SSUH2: variants seen among roughly 807,000 people sequenced by gnomAD.
The protein encoded by SSUH2 is ssu-2 homolog.
In SSUH2, 47 loss-of-function variants were observed where a neutral mutation model predicts 55.3. That is an observed-to-expected ratio of 0.85 (90% CI 0.67 to 1.08). The LOEUF (loss-of-function observed/expected upper bound fraction) is 1.08, where lower values mean the gene tolerates loss of function less well. SSUH2 is among the 50% of genes least tolerant of loss of function. The probability of loss-of-function intolerance (pLI) is 0.00; values close to 1 mark genes in which losing one functional copy is unlikely to be tolerated. For missense variants in SSUH2, 535 were observed against 490.7 expected (o/e 1.09, Z -0.85); for synonymous variants, 212 against 191.5 (o/e 1.11, Z -0.89).
In SSUH2 at chr3:8,641,616, G is replaced by A. The variant is rs921265259; in HGVS notation, c.28+3115C>T. ...CTACCGGAACCACTATCCCCCTCCC[G>A]AAGTGTGCAGCCTGTGGGAAAGACC... On this transcript the variant is annotated intron_variant, in intron 1 of 11. Coordinates refer to ENST00000544814, the MANE Select transcript of SSUH2 (RefSeq NM_001256748.3). Among the ~76,000 whole-genome samples the A allele has an allele frequency of 2.0e-5, 3 of 152,198 alleles. No individual in the cohort carries two copies. The South Asian group carries it at 6.2e-4, about 32-fold the overall frequency.
At chr3:8,640,408 C>A (rs898466915) in intron 1 of SSUH2, among the ~76,000 whole-genome samples, 14 of 152,182 alleles carry the variant, frequency 9.2e-5, no homozygotes, top group Admixed American at 9.2e-4. Context: ...CACCTAACCC[C>A]TGCAGTGACT....
At chr3:8,625,448 G>T in intron 10 of SSUH2, 94 bp downstream of exon 10, 1 of 746,544 alleles carries the variant, frequency 1.3e-6, no homozygotes. Flanking sequence ...TCCTTCCAAG[G>T]AATGCAGCCT....
Position 8,625,730 on chromosome 3 carries a change from T to A in SSUH2, c.768-83A>T. 4 of 938,710 alleles carry A rather than the reference T, an allele frequency of 4.3e-6. No homozygotes were observed. In the South Asian group the frequency reaches 5.7e-5, roughly 13 times the overall value. The allele number at this position is 938,710 out of a possible 1,614,324, so 58.1% of individuals were successfully genotyped here. A position where few individuals can be genotyped will look rare whatever the true frequency, so the allele number is the denominator to read the frequency against. On this transcript the variant is annotated intron_variant, in intron 9 of 11. Transcript: ENST00000544814. Reference sequence around the variant, plus strand: ...CCTTTGCAATCAGACAGACCTGGGGTTGAGGGCTTGAATTGCTACTGGAGG... The same window carrying A: ...CCTTTGCAATCAGACAGACCTGGGGATGAGGGCTTGAATTGCTACTGGAGG...
chr3:8,643,314 A>G (rs913153580), intron 1 of SSUH2, among the ~76,000 whole-genome samples: 1 of 152,214 alleles, frequency 6.6e-6, no homozygotes, highest in Non-Finnish European at 1.5e-5. Flanking sequence ...ACTAGGAGGC[A>G]GAGCATAGGT....
chr3:8,641,646 G>A (rs1700865044), intron 1 of SSUH2, among the ~76,000 whole-genome samples: 1 of 152,218 alleles, frequency 6.6e-6, no homozygotes, highest in Non-Finnish European at 1.5e-5. Flanking sequence ...AAGACCAGAT[G>A]GGCCCCTAGA....
intron 7 of SSUH2, among the ~76,000 whole-genome samples, chr3:8,651,182 C>T (rs1702358355): frequency 6.6e-6 from 1 of 152,204 alleles, no homozygotes; most frequent in African/African-American, 2.4e-5. Context: ...TTGCAAGGCA[C>T]CACCAGCCTT....
intron 3 of SSUH2, chr3:8,634,287 C>T: frequency 1.1e-6 from 1 of 926,158 alleles, no homozygotes; most frequent in South Asian, 1.6e-5. Flanking sequence ...GGAGACTCAC[C>T]CTGAGGACCG....
intron 4 of SSUH2, 74 bp from the exon 5 acceptor site, chr3:8,632,183 T>C: frequency 4.6e-6 from 6 of 1,312,226 alleles, no homozygotes; most frequent in Non-Finnish European, 6.6e-6. Context: ...AAGATGAAGC[T>C]GTTACCCTCC....
At chr3:8,626,537 G>GCCCCCCCC (rs58662232) in intron 8 of SSUH2, among the ~76,000 whole-genome samples, 8 of 107,646 alleles carry the variant, frequency 7.4e-5, no homozygotes, top group Non-Finnish European at 1.1e-4. Flanking sequence ...TCTAGGGCCT[G>GCCCCCCCC]CCCCCCCCCC....
intron 1 of SSUH2, 101 bp downstream of exon 1, chr3:8,644,630 A>G (rs1701420099): frequency 1.9e-6 from 2 of 1,035,184 alleles, no homozygotes; most frequent in African/African-American, 3.2e-5. Context: ...GACTATGGAT[A>G]CATAACTTCC....
chr3:8,681,622 C>T (rs933394856), intron 1 of SSUH2, among the ~76,000 whole-genome samples: 3 of 150,706 alleles, frequency 2.0e-5, no homozygotes, highest in Non-Finnish European at 4.5e-5. Flanking sequence ...TCTTGGGACC[C>T]CCATCGCAGG....
chr3:8,651,783 G>C (rs1225926104), intron 7 of SSUH2, among the ~76,000 whole-genome samples: 2 of 152,094 alleles, frequency 1.3e-5, no homozygotes, highest in Admixed American at 6.5e-5. Flanking sequence ...AAGGATGGAT[G>C]TGTTCCCATG....
intron 6 of SSUH2, among the ~76,000 whole-genome samples, chr3:8,630,051 G>A (rs1698449212): frequency 6.6e-6 from 1 of 152,186 alleles, no homozygotes; most frequent in African/African-American, 2.4e-5. Context: ...CCATAAGGTA[G>A]CTAATGTGGT....
At chr3:8,655,517 C>T (rs945942319) in intron 7 of SSUH2, among the ~76,000 whole-genome samples, 14 of 152,064 alleles carry the variant, frequency 9.2e-5, no homozygotes, top group Non-Finnish European at 1.5e-4. Flanking sequence ...CCCCGGGTCT[C>T]AGTGTGTGGC....
chr3:8,661,765 T>C (rs1448245858), intron 6 of SSUH2, among the ~76,000 whole-genome samples: 1 of 152,212 alleles, frequency 6.6e-6, no homozygotes, highest in African/African-American at 2.4e-5. Flanking sequence ...GAACCTGTTG[T>C]AAGTAAGCAT....
In SSUH2 at chr3:8,632,023, AAAC is replaced by A. The variant is rs754802015; in HGVS notation, c.400+23_400+25del. ...CACCCTGACTTATTTGCCCCCAGTT[AAAC>A]TAATTTCAGACAATTCACTTACTAG... On this transcript the variant is annotated intron_variant, in intron 5 of 11. Transcript: ENST00000544814. 3 of 1,601,264 alleles carry A rather than the reference AAAC, an allele frequency of 1.9e-6. No individual in the cohort carries two copies. In the African/African-American group the frequency reaches 4.0e-5, roughly 21 times the overall value.
At chr3:8,641,153 G>C (rs1321397297) in intron 1 of SSUH2, among the ~76,000 whole-genome samples, 1 of 152,152 alleles carries the variant, frequency 6.6e-6, no homozygotes, top group Admixed American at 6.5e-5. Context: ...CCTGAGTGCG[G>C]CTCCCTGTCC....
At chr3:8,681,709 GC>G (rs1256070570) in intron 1 of SSUH2, among the ~76,000 whole-genome samples, 2 of 150,764 alleles carry the variant, frequency 1.3e-5, no homozygotes, top group Non-Finnish European at 3.0e-5. Context: ...CCCCATCGCA[GC>G]GGGGGGAGGC....
At chr3:8,626,532 G>T (rs1697574726) in intron 8 of SSUH2, among the ~76,000 whole-genome samples, 1 of 73,936 alleles carries the variant, frequency 1.4e-5, no homozygotes, top group East Asian at 5.8e-4. Flanking sequence ...ATGGCTCTAG[G>T]GCCTGCCCCC....
Sources: gnomAD v4.1 joint callset for allele counts (sites outside exome capture counted in the v4.1 genomes callset) on GRCh38, gnomAD v4.1.1 for gene constraint, MANE v1.5 for transcripts, NCBI Gene and HGNC (gene_info 2026-07-23, HGNC 2026-07-21) for gene names.